FMN1: variants seen among roughly 807,000 people sequenced by gnomAD.
The protein encoded by FMN1 is formin-1.
A neutral mutation model predicts 132.4 loss-of-function variants in FMN1; 110 were observed. The ratio of observed to expected loss-of-function variants is 0.83; its 90% CI spans 0.71 to 0.97. The LOEUF (loss-of-function observed/expected upper bound fraction) is 0.97. Among genes scored for constraint, FMN1 ranks in the 50% least tolerant of loss-of-function variants. The pLI is 0.00. For synonymous variants in FMN1, 722 were observed against 651.7 expected, an observed-to-expected ratio of 1.11 and a Z score of -1.64; for missense variants, 1,792 against 1,705.3, an observed-to-expected ratio of 1.05 and a Z score of -0.90.
At chr15:33,149,287 T>C (rs1964352779) in intron 4 of FMN1, among the ~76,000 whole-genome samples, 1 of 152,280 alleles carries the variant, frequency 6.6e-6, no homozygotes, top group South Asian at 2.1e-4. Flanking sequence ...GGAGGGGTGA[T>C]AGTTGTTTTA....
At chr15:33,079,461 G>A (rs1414357041) in intron 5 of FMN1, among the ~76,000 whole-genome samples, 1 of 152,116 alleles carries the variant, frequency 6.6e-6, no homozygotes. Context: ...TGTCTCTACT[G>A]AAAATACAAA....
At position 32,948,085 on chromosome 15, in the gene FMN1, T is replaced by C. The variant is rs1567445504; in HGVS notation, c.3138+16022A>G. Among the ~76,000 whole-genome samples, 4 of 152,144 alleles carry C rather than the reference T, an allele frequency of 2.6e-5. No homozygotes were observed. In the South Asian group the frequency reaches 8.3e-4, roughly 31 times the overall value. ...TGTCACATGCCTGCTTCGTGGACAC[T>C]CTTTTTGAGGCTAAAGCTATTCCCT... On this transcript the variant is annotated intron_variant, in intron 9 of 20. Transcript: ENST00000616417.
intron 7 of FMN1, among the ~76,000 whole-genome samples, chr15:32,986,281 T>C (rs531465925): frequency 7.6e-4 from 115 of 152,278 alleles, no homozygotes; most frequent in African/African-American, 2.6e-3. Flanking sequence ...AGTGTATCCG[T>C]TGAGGCTAAG....
intron 4 of FMN1, among the ~76,000 whole-genome samples, chr15:33,125,759 G>A (rs1963000958): frequency 6.6e-6 from 1 of 151,730 alleles, no homozygotes; most frequent in Non-Finnish European, 1.5e-5. Flanking sequence ...TTTGTATGGT[G>A]AAATTTTGGT....
chr15:32,892,659 T>A (rs1354126156), intron 15 of FMN1, among the ~76,000 whole-genome samples: 1 of 152,240 alleles, frequency 6.6e-6, no homozygotes, highest in Non-Finnish European at 1.5e-5. Context: ...GAATGTCTGG[T>A]AGAATTCTGC....
chr15:33,149,621 T>C (rs1263714110), intron 4 of FMN1, among the ~76,000 whole-genome samples: 2 of 152,208 alleles, frequency 1.3e-5, no homozygotes, highest in Admixed American at 1.3e-4. Flanking sequence ...AGCAACATAC[T>C]TTATGTCAAC....
In FMN1 at chr15:33,155,006, A is replaced by T; in HGVS notation, c.-92T>A. 9.8e-7 allele frequency: 1 copy of T among 1,019,736 alleles called. No individual in the cohort carries two copies. The highest frequency in any genetic ancestry group is 1.4e-6 in the Non-Finnish European group (1 of 718,602). 63.2% of individuals were successfully genotyped at this position (1,019,736 alleles called of 1,614,324 possible). On this transcript the variant is annotated 5_prime_UTR_variant, in exon 4 of 21. Transcript: ENST00000616417. ...GTGAGGCATGTGATGGTGGCTATGC[A>T]GAGAAAGCAGCTGACAGTCATCTCC...
chr15:32,926,280 A>G lies in FMN1; in HGVS notation c.3139-19T>C, dbSNP rs758066322. 7.2e-7 allele frequency: 1 copy of G among 1,392,568 alleles called. No homozygotes were observed. Among genetic ancestry groups the G allele is most frequent in the South Asian group, 1.3e-5 (1 of 75,446 alleles). The allele number at this position is 1,392,568 out of a possible 1,614,324, so 86.3% of individuals were successfully genotyped here. On this transcript the variant is annotated intron_variant, in intron 9 of 20. Transcript: ENST00000616417. ...TGATGATCTAAAATTAGAAAAAAAA[A>G]AAAAAGAATACAAGCTCAAATGACC...
chr15:32,997,319 G>A (rs943049977), intron 7 of FMN1, among the ~76,000 whole-genome samples: 3 of 140,654 alleles, frequency 2.1e-5, no homozygotes, highest in Non-Finnish European at 4.7e-5. Context: ...AAATATCACC[G>A]TCTTTTTTTT....
At chr15:32,838,342 T>C (rs2058672600) in intron 17 of FMN1, among the ~76,000 whole-genome samples, 1 of 152,142 alleles carries the variant, frequency 6.6e-6, no homozygotes. Context: ...CACAGGGCCA[T>C]TGTCTGATGC....
chr15:32,982,890 C>G (rs746597066), intron 7 of FMN1, among the ~76,000 whole-genome samples: 1 of 152,140 alleles, frequency 6.6e-6, no homozygotes, highest in Non-Finnish European at 1.5e-5. Context: ...GTCGGCCCTC[C>G]TAGATCTCCA....
rs2056188058 is a variant in FMN1 at position 32,770,292 on chromosome 15, T to C, written c.*4018A>G. The stretch of plus-strand genomic sequence containing the variant: ...TGGCGCAATTTGCTGTGCTGTTGTA[T>C]GCAATGATCTGCATCAATGACACTG... On this transcript the variant is annotated 3_prime_UTR_variant, in exon 21 of 21. Transcript: ENST00000616417. 1 of 152,200 alleles carries C rather than the reference T, an allele frequency of 6.6e-6. No homozygotes were observed. The highest frequency in any genetic ancestry group is 6.5e-5 in the Admixed American group (1 of 15,284). 9.4% of individuals were successfully genotyped at this position (152,200 alleles called of 1,614,324 possible). A position where few individuals can be genotyped will look rare whatever the true frequency, so the allele number is the denominator to read the frequency against.
intron 6 of FMN1, among the ~76,000 whole-genome samples, chr15:33,013,238 T>A (rs1011038214): frequency 2.6e-5 from 4 of 152,194 alleles, no homozygotes; most frequent in African/African-American, 9.7e-5. Flanking sequence ...GCAAAAGAGT[T>A]AAGGACCATA....
intron 5 of FMN1, among the ~76,000 whole-genome samples, chr15:33,072,261 G>A (rs185479119): frequency 2.0e-3 from 309 of 152,280 alleles, no homozygotes; most frequent in Middle Eastern, 0.01. Flanking sequence ...GATGGAAAAT[G>A]CAGTCTTCAT....
intron 7 of FMN1, among the ~76,000 whole-genome samples, chr15:32,977,917 C>T (rs557399105): frequency 4.0e-5 from 6 of 151,112 alleles, no homozygotes; most frequent in African/African-American, 1.5e-4. Context: ...GAGTGCATGG[C>T]ACAATCTCGG....
At chr15:32,806,047 C>T (rs988194951) in intron 17 of FMN1, among the ~76,000 whole-genome samples, 1 of 152,174 alleles carries the variant, frequency 6.6e-6, no homozygotes, top group Non-Finnish European at 1.5e-5. Context: ...ACCACTCTCA[C>T]ACTTTAAAAT....
intron 7 of FMN1, among the ~76,000 whole-genome samples, chr15:32,971,043 A>G (rs2031744039): frequency 6.6e-6 from 1 of 152,206 alleles, no homozygotes. Flanking sequence ...CACCTGGTTC[A>G]CGTCTTGGCT....
At chr15:33,122,990 T>C (rs1419101228) in intron 4 of FMN1, among the ~76,000 whole-genome samples, 1 of 151,754 alleles carries the variant, frequency 6.6e-6, no homozygotes, top group Non-Finnish European at 1.5e-5. Flanking sequence ...ATGTCACAAA[T>C]AAAAAGACAG....
At chr15:32,918,313 A>G (rs2060734225) in intron 10 of FMN1, among the ~76,000 whole-genome samples, 1 of 152,208 alleles carries the variant, frequency 6.6e-6, no homozygotes, top group African/African-American at 2.4e-5. Flanking sequence ...CAGATAAAAA[A>G]AAAATCAAGA....
Sources: gnomAD v4.1 joint callset for allele counts (sites outside exome capture counted in the v4.1 genomes callset) on GRCh38, gnomAD v4.1.1 for gene constraint, MANE v1.5 for transcripts, NCBI Gene and HGNC (gene_info 2026-07-23, HGNC 2026-07-21) for gene names.